The following MARVELD2 variants were observed in gnomAD, a reference collection of about 807,000 sequenced individuals.
The protein encoded by MARVELD2 is MARVEL domain containing 2.
MARVELD2 carries 49 observed loss-of-function variants against 57.6 expected under a neutral mutation model. The ratio of observed to expected loss-of-function variants is 0.85; its 90% CI spans 0.68 to 1.08. The LOEUF is 1.08. Ranked by LOEUF, MARVELD2 falls within the 50% of genes least tolerant of loss-of-function variation. The pLI, the probability that MARVELD2 is intolerant of heterozygous loss-of-function variation, is 0.00. For missense variants in MARVELD2, 606 were observed against 701.1 expected (o/e 0.86, Z 1.53); for synonymous variants, 238 against 258.8 (o/e 0.92, Z 0.77).
intron 5 of MARVELD2, among the ~76,000 whole-genome samples, chr5:69,439,793 T>C (rs1767274043): frequency 6.6e-6 from 1 of 152,014 alleles, no homozygotes; most frequent in African/African-American, 2.4e-5. Context: ...TATTTATTTA[T>C]TTATTAGGTT....
Position 69,419,371 on chromosome 5 carries a change from G to C in MARVELD2, c.-15G>C, listed in dbSNP as rs373371842. 2 of 1,614,028 alleles carry C rather than the reference G, an allele frequency of 1.2e-6. No homozygotes were observed. The highest frequency in any genetic ancestry group is 3.3e-5 in the Admixed American group (2 of 59,996). ...GTGATAACTTTAAATTTGGCCACAG[G>C]TGTGAAAATCACAAATGTCAAATGA... On this transcript the variant is annotated splice_region_variant and 5_prime_UTR_variant, in exon 2 of 7. Transcript: ENST00000325631.
chr5:69,421,486 A>G (rs982160725), intron 2 of MARVELD2, among the ~76,000 whole-genome samples: 3 of 152,148 alleles, frequency 2.0e-5, no homozygotes, highest in African/African-American at 4.8e-5. Flanking sequence ...ACAATTGCAC[A>G]TGGTATATAT....
intron 2 of MARVELD2, among the ~76,000 whole-genome samples, chr5:69,421,794 C>CTTTT (rs1409875482): frequency 7.5e-6 from 1 of 132,844 alleles, no homozygotes; most frequent in Non-Finnish European, 1.6e-5. Flanking sequence ...TCTTTTCTTT[C>CTTTT]TTTTTTTTTT....
intron 3 of MARVELD2, 29 bp from the exon 4 acceptor site, chr5:69,432,498 A>G (rs1766993719): frequency 1.2e-6 from 2 of 1,612,430 alleles, no homozygotes; most frequent in Non-Finnish European, 8.5e-7. Flanking sequence ...ATGTTTATTA[A>G]CAAATCCTCT....
At chr5:69,427,966 G>T (rs1003837878) in intron 3 of MARVELD2, among the ~76,000 whole-genome samples, 1 of 152,102 alleles carries the variant, frequency 6.6e-6, no homozygotes, top group African/African-American at 2.4e-5. Context: ...ACAAAAATTA[G>T]CCAGGCATGG....
rs755442661 is a variant in MARVELD2 at position 69,419,550 on chromosome 5, A to G, written c.165A>G (p.Pro55=). Residue 55 remains proline (P), a synonymous_variant, in exon 2 of 7, where the codon CCA becomes CCG. Transcript: ENST00000325631. ...CACCACCCCCTCTCCCATTACAGCC[A>G]CCATTCGGCCCAGACTTCTACTCAA... ...PLPPPPLPLQ[P]PFGPDFYSSD... 46 of 1,614,078 alleles carry G rather than the reference A, an allele frequency of 2.8e-5. No individual in the cohort carries two copies. The highest frequency in any genetic ancestry group is 3.9e-5 in the Non-Finnish European group (46 of 1,180,006).
At chr5:69,430,786 G>A (rs113067692) in intron 3 of MARVELD2, among the ~76,000 whole-genome samples, 49 of 151,976 alleles carry the variant, frequency 3.2e-4, no homozygotes, top group African/African-American at 1.1e-3. Flanking sequence ...CACCCCCCTC[G>A]GCCTCCCAAA....
intron 5 of MARVELD2, among the ~76,000 whole-genome samples, chr5:69,435,412 G>T (rs1767102271): frequency 1.3e-5 from 2 of 151,992 alleles, no homozygotes; most frequent in South Asian, 4.1e-4. Context: ...ACAGAGTTTT[G>T]CAATCAGCAC....
intron 5 of MARVELD2, among the ~76,000 whole-genome samples, chr5:69,437,459 C>T (rs1235881785): frequency 8.1e-5 from 12 of 148,860 alleles, no homozygotes; most frequent in South Asian, 2.1e-4. Context: ...CCGAGGCAGG[C>T]GGATCATGAG....
intron 3 of MARVELD2, among the ~76,000 whole-genome samples, chr5:69,429,902 ATTT>A: frequency 6.7e-6 from 1 of 149,180 alleles, no homozygotes; most frequent in African/African-American, 2.4e-5. Context: ...TTATTTATTT[ATTT>A]ATTTGTTTGT....
chr5:69,433,101 T>G lies in MARVELD2; in HGVS notation c.1503+8T>G. The G allele has an allele frequency of 6.2e-7, 1 of 1,612,514 alleles. No homozygotes were observed. The highest frequency in any genetic ancestry group is 1.7e-5 in the Admixed American group (1 of 59,952). ...CATTCGGAAAGCCGACAGGTTAGTA[T>G]GTGCAGCTGCCTAGGAGGAGCACTG... On this transcript the variant is annotated splice_region_variant and intron_variant, in intron 5 of 6. Coordinates refer to ENST00000325631, the MANE Select transcript of MARVELD2 (RefSeq NM_001038603.3).
In MARVELD2 at chr5:69,441,728, G is replaced by C. The variant is rs1268335673; in HGVS notation, c.*74G>C. The C allele has an allele frequency of 4.5e-6, 5 of 1,112,220 alleles. No individual in the cohort carries two copies. In the Admixed American group the frequency reaches 1.0e-4, roughly 23 times the overall value. 68.9% of individuals were successfully genotyped at this position (1,112,220 alleles called of 1,614,324 possible). A position where few individuals can be genotyped will look rare whatever the true frequency, so the allele number is the denominator to read the frequency against. On this transcript the variant is annotated 3_prime_UTR_variant, in exon 7 of 7. Coordinates refer to ENST00000325631, the MANE Select transcript of MARVELD2 (RefSeq NM_001038603.3). ...GATGAAGTCTCGCTCTGTTACCCAG[G>C]CTGGAATGCAGTGGCACAATCTCGG...
Position 69,424,583 on chromosome 5 carries a change from GA to G in MARVELD2, c.1147-16del. 1 of 1,600,514 alleles carries G rather than the reference GA, an allele frequency of 6.2e-7. No individual in the cohort carries two copies. On this transcript the variant is annotated splice_polypyrimidine_tract_variant and intron_variant, in intron 2 of 6. Coordinates refer to ENST00000325631, the MANE Select transcript of MARVELD2 (RefSeq NM_001038603.3). Reference sequence around the variant, plus strand: ...TTCACATGCCTTTGAAAAACTATTTGAACTCTTTTTGTTCCAGATAAATGAG... The same window carrying G: ...TTCACATGCCTTTGAAAAACTATTTGACTCTTTTTGTTCCAGATAAATGAG...
chr5:69,437,683 CAA>C (rs775967772), intron 5 of MARVELD2, among the ~76,000 whole-genome samples: 1 of 127,878 alleles, frequency 7.8e-6, no homozygotes. Context: ...GACTCTGTCT[CAA>C]AAAAAAAAAA....
At chr5:69,432,484 A>G (rs1393207346) in intron 3 of MARVELD2, 43 bp from the exon 4 acceptor site, 3 of 1,603,932 alleles carry the variant, frequency 1.9e-6, no homozygotes, top group East Asian at 2.2e-5. Context: ...GTTTTTTTCT[A>G]CTTATGTTTA....
intron 5 of MARVELD2, among the ~76,000 whole-genome samples, chr5:69,438,568 C>G (rs1035330776): frequency 6.6e-6 from 1 of 151,232 alleles, no homozygotes; most frequent in African/African-American, 2.4e-5. Flanking sequence ...GGCAACATAG[C>G]AAGACTGCAT....
chr5:69,437,381 TAAA>T (rs36086491), intron 5 of MARVELD2, among the ~76,000 whole-genome samples: 1,178 of 100,068 alleles, frequency 0.012, 16 homozygotes, highest in African/African-American at 0.04. Flanking sequence ...AACTCTGTCT[TAAA>T]AAAAAAAAAA....
Position 69,424,596 on chromosome 5 carries a change from T to TC in MARVELD2, c.1147-3dup. ...GAAAAACTATTTGAACTCTTTTTGTTCCAGATAAATGAGCCATCATTGTCA... is the reference window on the plus strand; with the variant it reads ...GAAAAACTATTTGAACTCTTTTTGTTCCCAGATAAATGAGCCATCATTGTCA... On this transcript the variant is annotated splice_polypyrimidine_tract_variant and splice_region_variant and intron_variant, in intron 2 of 6. Coordinates refer to ENST00000325631, the MANE Select transcript of MARVELD2 (RefSeq NM_001038603.3). The TC allele has an allele frequency of 6.2e-7, 1 of 1,602,692 alleles. No individual in the cohort carries two copies. The highest frequency in any genetic ancestry group is 8.6e-7 in the Non-Finnish European group (1 of 1,169,280).
At chr5:69,434,885 G>T (rs752144841) in intron 5 of MARVELD2, among the ~76,000 whole-genome samples, 1 of 151,876 alleles carries the variant, frequency 6.6e-6, no homozygotes, top group African/African-American at 2.4e-5. Flanking sequence ...AGTAGAGACG[G>T]GGTTTCACCA....
Sources: gnomAD v4.1 joint callset for allele counts (sites outside exome capture counted in the v4.1 genomes callset) on GRCh38, gnomAD v4.1.1 for gene constraint, MANE v1.5 for transcripts, NCBI Gene and HGNC (gene_info 2026-07-23, HGNC 2026-07-21) for gene names.